R3HCC1: variants seen among roughly 807,000 people sequenced by gnomAD.
The protein encoded by R3HCC1 is R3H domain and coiled-coil containing 1, also known as R3H and coiled-coil domain-containing protein 1.
Under a neutral mutation model 40.0 loss-of-function variants are expected in R3HCC1, and 32 were observed. The ratio of observed to expected loss-of-function variants is 0.80; its 90% confidence interval spans 0.60 to 1.07. The LOEUF (loss-of-function observed/expected upper bound fraction) is 1.07, where lower values mean the gene tolerates loss of function less well. R3HCC1 is among the 50% of genes least tolerant of loss of function. R3HCC1 has a pLI of 0.00. For missense variants in R3HCC1, 586 were observed against 563.3 expected, an observed-to-expected ratio of 1.04 and a Z score of -0.41; for synonymous variants, 237 against 232.8, an observed-to-expected ratio of 1.02 and a Z score of -0.17.
intron 7 of R3HCC1, chr8:23,295,745 T>G (rs1044293598): frequency 6.6e-6 from 4 of 604,286 alleles, no homozygotes; most frequent in African/African-American, 3.7e-5. Context: ...AACAAGGGCA[T>G]GTAGAGGCGA....
intron 5 of R3HCC1, among the ~76,000 whole-genome samples, chr8:23,291,774 C>T (rs965219048): frequency 4.6e-5 from 7 of 152,392 alleles, no homozygotes; most frequent in African/African-American, 1.4e-4. Context: ...GGGCTGCCCC[C>T]CTGCATGGCC....
chr8:23,294,763 C>T lies in R3HCC1; in HGVS notation c.1097-6C>T. On this transcript the variant is annotated splice_polypyrimidine_tract_variant and splice_region_variant and intron_variant, in intron 6 of 7. Coordinates refer to ENST00000265806, the MANE Select transcript of R3HCC1 (RefSeq NM_001136108.3). ...GAGTGGCTCCACGCCTGCTTTCTTT[C>T]CACAGCTGCGGAAGCCCTGACCCGG... 4 of 1,550,624 alleles carry T rather than the reference C, an allele frequency of 2.6e-6. No individual in the cohort carries two copies. Among genetic ancestry groups the T allele is most frequent in the Non-Finnish European group, 3.5e-6 (4 of 1,146,568 alleles).
In R3HCC1 at chr8:23,288,118, G is replaced by T; in HGVS notation, c.-58G>T. ...AGGGCGCTCGGGCGCGCTGGCCCCT[G>T]GGGACGCCGAGGGCGGCTGCGACGC... On this transcript the variant is annotated 5_prime_UTR_variant, in exon 1 of 8. Coordinates refer to ENST00000265806, the MANE Select transcript of R3HCC1 (RefSeq NM_001136108.3). 7.9e-7 allele frequency: 1 copy of T among 1,263,062 alleles called. No homozygotes were observed. 78.2% of individuals were successfully genotyped at this position (1,263,062 alleles called of 1,614,324 possible).
chr8:23,289,250 G>C, intron 3 of R3HCC1, 97 bp downstream of exon 3: 3 of 1,355,734 alleles, frequency 2.2e-6, no homozygotes, highest in Non-Finnish European at 3.0e-6. Flanking sequence ...GGGGAACCAG[G>C]GCTGGGACCC....
chr8:23,291,121 A>C, intron 4 of R3HCC1: 1 of 406,940 alleles, frequency 2.5e-6, no homozygotes, highest in Non-Finnish European at 4.4e-6. Context: ...TCAGGATTCT[A>C]TGGAACATTA....
chr8:23,293,027 G>A (rs1802902383), intron 5 of R3HCC1, among the ~76,000 whole-genome samples: 1 of 152,164 alleles, frequency 6.6e-6, no homozygotes, highest in Non-Finnish European at 1.5e-5. Flanking sequence ...CCTTGGTGTC[G>A]TGCCATATGA....
At position 23,295,949 on chromosome 8, in the gene R3HCC1, G is replaced by C; in HGVS notation, c.1193-18G>C. ...ACGACCTTGTGTTTAGGTCCCCACT[G>C]TGGGGCTTTCCTTCTAGAACTCCTG... On this transcript the variant is annotated intron_variant, in intron 7 of 7. Coordinates refer to ENST00000265806, the MANE Select transcript of R3HCC1 (RefSeq NM_001136108.3). The C allele has an allele frequency of 6.5e-7, 1 of 1,545,274 alleles. No homozygotes were observed. Among genetic ancestry groups the C allele is most frequent in the Non-Finnish European group, 8.7e-7 (1 of 1,143,602 alleles).
chr8:23,290,215 C>G lies in R3HCC1; in HGVS notation c.598C>G (p.Gln200Glu). ...AACAGAGGACCTAAAGGGCCCAGGACAAAGGTGTGAGAATGAGCCACTGCT... is the reference window on the plus strand; with the variant it reads ...AACAGAGGACCTAAAGGGCCCAGGAGAAAGGTGTGAGAATGAGCCACTGCT... Residue 200 changes from glutamine (Q) to glutamate (E), a missense_variant, in exon 4 of 8, where the codon CAA (glutamine) becomes GAA (glutamate). By Grantham distance (29) the Gln-to-Glu change is conservative. Coordinates refer to ENST00000265806, the MANE Select transcript of R3HCC1 (RefSeq NM_001136108.3). The G allele has an allele frequency of 3.2e-6, 5 of 1,551,712 alleles. No homozygotes were observed. Among genetic ancestry groups the G allele is most frequent in the Non-Finnish European group, 3.5e-6 (4 of 1,147,000 alleles).
At chr8:23,295,173 CT>C (rs1397362478) in intron 7 of R3HCC1, among the ~76,000 whole-genome samples, 1 of 152,134 alleles carries the variant, frequency 6.6e-6, no homozygotes, top group African/African-American at 2.4e-5. Context: ...AAGCTTGGTC[CT>C]TCTTCTGGAG....
At chr8:23,289,766 G>A in intron 3 of R3HCC1, 100 bp from the exon 4 acceptor site, 3 of 1,420,678 alleles carry the variant, frequency 2.1e-6, no homozygotes, top group Non-Finnish European at 2.8e-6. Flanking sequence ...TTTGCCTAAT[G>A]CTGACCCGAA....
intron 5 of R3HCC1, among the ~76,000 whole-genome samples, chr8:23,292,993 A>G (rs1047285038): frequency 2.0e-5 from 3 of 152,188 alleles, no homozygotes; most frequent in Non-Finnish European, 4.4e-5. Context: ...GGGCTGAGAC[A>G]GGCCTGGTGA....
At chr8:23,289,734 G>A (rs1028276565) in intron 3 of R3HCC1, 132 bp from the exon 4 acceptor site, 3 of 1,289,750 alleles carry the variant, frequency 2.3e-6, no homozygotes, top group Non-Finnish European at 3.1e-6. Context: ...AGGGATTTTC[G>A]AGGGTCATTT....
At chr8:23,292,129 TTCTC>T (rs1286699623) in intron 5 of R3HCC1, among the ~76,000 whole-genome samples, 4 of 152,222 alleles carry the variant, frequency 2.6e-5, no homozygotes, top group Admixed American at 2.0e-4. Context: ...CAGGCTTTCT[TTCTC>T]CTCTTTTTTT....
chr8:23,294,145 C>T (rs1476361597), intron 6 of R3HCC1, among the ~76,000 whole-genome samples: 1 of 152,042 alleles, frequency 6.6e-6, no homozygotes, highest in Non-Finnish European at 1.5e-5. Flanking sequence ...GGTCTCAAAC[C>T]CCAGAGAGGG....
At chr8:23,289,247 C>T (rs1266760483) in intron 3 of R3HCC1, 94 bp downstream of exon 3, 19 of 1,401,896 alleles carry the variant, frequency 1.4e-5, no homozygotes, top group Middle Eastern at 1.9e-4. Context: ...TGGGGGGAAC[C>T]AGGGCTGGGA....
intron 1 of R3HCC1, 79 bp from the exon 2 acceptor site, chr8:23,288,427 T>G: frequency 1.3e-6 from 2 of 1,510,004 alleles, no homozygotes; most frequent in Non-Finnish European, 1.8e-6. Context: ...CTAAGGCCCT[T>G]TCGGTGCCGG....
At chr8:23,293,821 C>T (rs1802927367) in intron 6 of R3HCC1, among the ~76,000 whole-genome samples, 1 of 152,126 alleles carries the variant, frequency 6.6e-6, no homozygotes, top group Non-Finnish European at 1.5e-5. Context: ...GCTGGAGAGA[C>T]TTAAGGGTCC....
At chr8:23,292,745 C>T (rs1802895471) in intron 5 of R3HCC1, among the ~76,000 whole-genome samples, 1 of 152,266 alleles carries the variant, frequency 6.6e-6, no homozygotes. Context: ...GCAACACGTT[C>T]TGCTCTTCTG....
intron 5 of R3HCC1, 120 bp from the exon 6 acceptor site, chr8:23,293,183 G>C: frequency 2.7e-6 from 2 of 733,374 alleles, no homozygotes; most frequent in Non-Finnish European, 4.6e-6. Context: ...GAAGAGATGG[G>C]ACCTTGCCTC....
Sources: allele counts gnomAD v4.1 joint callset (sites outside exome capture counted in the v4.1 genomes callset), GRCh38; gene constraint gnomAD v4.1.1; transcripts MANE v1.5; gene names NCBI Gene and HGNC (gene_info 2026-07-23, HGNC 2026-07-21).